The following RNF111 variants were observed in gnomAD, a reference collection of about 807,000 sequenced individuals.
RNF111 encodes the protein E3 ubiquitin-protein ligase Arkadia.
Under a neutral mutation model 95.1 loss-of-function variants are expected in RNF111, and 17 were observed. The observed-to-expected ratio is 0.18, with a 90% CI of 0.12 to 0.27. RNF111 has a LOEUF of 0.27. Among genes scored for constraint, RNF111 ranks in the 10% least tolerant of loss-of-function variants. The probability of loss-of-function intolerance (pLI) is 1.00; values close to 1 mark genes in which losing one functional copy is unlikely to be tolerated. For synonymous variants in RNF111, 440 were observed against 414.8 expected, an observed-to-expected ratio of 1.06 and a Z score of -0.74; for missense variants, 1,189 against 1,210.4, an observed-to-expected ratio of 0.98 and a Z score of 0.26.
chr15:59,030,647 T>G (rs2040858260), intron 1 of RNF111, among the ~76,000 whole-genome samples, 157 bp from the exon 2 acceptor site: 1 of 152,110 alleles, frequency 6.6e-6, no homozygotes, highest in Non-Finnish European at 1.5e-5. Flanking sequence ...TTTATAAGAA[T>G]AGTAAAATAA....
At chr15:59,060,375 A>G (rs1342672011) in intron 5 of RNF111, among the ~76,000 whole-genome samples, 1 of 152,068 alleles carries the variant, frequency 6.6e-6, no homozygotes, top group Non-Finnish European at 1.5e-5. Flanking sequence ...GAGGCCAGGG[A>G]CGCAGATCAC....
At chr15:59,081,975 G>A (rs140100939) in intron 8 of RNF111, among the ~76,000 whole-genome samples, 58 of 152,254 alleles carry the variant, frequency 3.8e-4, no homozygotes, top group African/African-American at 1.3e-3. Context: ...GAGTGCAGTG[G>A]TGCAACCATA....
At chr15:59,065,418 A>G (rs1398056356) in intron 5 of RNF111, among the ~76,000 whole-genome samples, 1 of 152,224 alleles carries the variant, frequency 6.6e-6, no homozygotes, top group Non-Finnish European at 1.5e-5. Flanking sequence ...GGCGGAGAGC[A>G]TAATCAGGAC....
chr15:59,043,861 T>G (rs530796030), intron 2 of RNF111, among the ~76,000 whole-genome samples: 1 of 152,306 alleles, frequency 6.6e-6, no homozygotes, highest in East Asian at 1.9e-4. Flanking sequence ...CATGGTGTCA[T>G]TTATGAAAAG....
At chr15:58,995,465 G>GTTT (rs35375652) in intron 1 of RNF111, among the ~76,000 whole-genome samples, 4 of 146,450 alleles carry the variant, frequency 2.7e-5, no homozygotes, top group Non-Finnish European at 3.0e-5. Context: ...ATAACCTCTT[G>GTTT]TTTTTTTTTT....
chr15:59,013,063 G>C (rs943949366), intron 1 of RNF111, among the ~76,000 whole-genome samples: 2 of 152,118 alleles, frequency 1.3e-5, no homozygotes, highest in Admixed American at 1.3e-4. Flanking sequence ...GATTTTTGGA[G>C]ATTGGCAGTA....
chr15:59,011,586 C>A (rs548247955), intron 1 of RNF111, among the ~76,000 whole-genome samples: 1 of 152,076 alleles, frequency 6.6e-6, no homozygotes, highest in Non-Finnish European at 1.5e-5. Flanking sequence ...TTCCTGAGGC[C>A]CCTCTTCTTG....
chr15:59,073,108 G>GAT (rs1409652087), intron 6 of RNF111, among the ~76,000 whole-genome samples: 1 of 152,130 alleles, frequency 6.6e-6, no homozygotes, highest in African/African-American at 2.4e-5. Context: ...GGTAGGTGGA[G>GAT]GCTGCAGTGA....
At chr15:59,069,056 A>G (rs78471398) in intron 6 of RNF111, among the ~76,000 whole-genome samples, 3,827 of 148,230 alleles carry the variant, frequency 0.026, 103 homozygotes, top group African/African-American at 0.06. Flanking sequence ...CCTTGGCGAC[A>G]GAACAAGACT....
intron 1 of RNF111, among the ~76,000 whole-genome samples, chr15:59,023,450 A>G (rs979035905): frequency 6.6e-6 from 1 of 152,038 alleles, no homozygotes; most frequent in Non-Finnish European, 1.5e-5. Context: ...TGTAAGTAGT[A>G]TATTTTTGTT....
intron 7 of RNF111, among the ~76,000 whole-genome samples, chr15:59,079,906 A>T (rs536286905): frequency 6.6e-6 from 1 of 152,264 alleles, no homozygotes; most frequent in East Asian, 1.9e-4. Flanking sequence ...AAAAATGTTT[A>T]CACCCTATTA....
Position 59,084,201 on chromosome 15 carries a change from T to C in RNF111, c.2370T>C (p.His790=). The change falls in exon 9 of 14, where the codon CAT becomes CAC. Residue 790 remains histidine, a synonymous_variant. Transcript: ENST00000348370. ...ACTATGGTCATGGGCATCATATTCA[T>C]GTGCCTCAGACTATGTCCTCACATC... is the stretch of plus-strand genomic sequence containing the variant. The part of the protein sequence containing the change: ...HPNYGHGHHI[H]VPQTMSSHPR... 1 of 1,601,838 alleles carries C rather than the reference T, an allele frequency of 6.2e-7. No homozygotes were observed. Among genetic ancestry groups the C allele is most frequent in the Non-Finnish European group, 8.5e-7 (1 of 1,174,328 alleles).
At chr15:59,067,125 G>GTC (rs146735071) in intron 6 of RNF111, 42 bp downstream of exon 6, 729 of 1,444,258 alleles carry the variant, frequency 5.0e-4, no homozygotes, top group Middle Eastern at 7.3e-4. Flanking sequence ...TGCCCCTCTT[G>GTC]TCTCTCTCTC....
At chr15:59,092,753 T>TGAGGCC in intron 13 of RNF111, 113 bp downstream of exon 13, 2 of 1,075,934 alleles carry the variant, frequency 1.9e-6, no homozygotes, top group Non-Finnish European at 2.6e-6. Flanking sequence ...CAGCACTTTT[T>TGAGGCC]GAGGCCAAGG....
At chr15:59,089,809 A>G in intron 11 of RNF111, 50 bp downstream of exon 11, 2 of 1,245,078 alleles carry the variant, frequency 1.6e-6, no homozygotes, top group Non-Finnish European at 2.4e-6. Context: ...TTTAATGCAG[A>G]TTGAGTATAT....
At chr15:58,992,917 C>G (rs56353210) in intron 1 of RNF111, among the ~76,000 whole-genome samples, 1,648 of 152,056 alleles carry the variant, frequency 0.011, 25 homozygotes, top group African/African-American at 0.038. Context: ...TGTAGTAATC[C>G]TAGCACTTTG....
chr15:58,998,276 G>A (rs1445496544), intron 1 of RNF111, among the ~76,000 whole-genome samples: 1 of 151,560 alleles, frequency 6.6e-6, no homozygotes, highest in African/African-American at 2.4e-5. Flanking sequence ...AAGTTCAGGG[G>A]TATAAATGCA....
At chr15:59,075,370 G>A (rs892499101) in intron 6 of RNF111, among the ~76,000 whole-genome samples, 6 of 152,226 alleles carry the variant, frequency 3.9e-5, no homozygotes, top group African/African-American at 1.4e-4. Context: ...TTTTGAACAA[G>A]TGAAAGCTTT....
chr15:59,084,444 A>G (rs529587381), intron 9 of RNF111, 190 bp downstream of exon 9: 2 of 429,558 alleles, frequency 4.7e-6, no homozygotes, highest in Non-Finnish European at 8.0e-6. Context: ...GCAGGGAACC[A>G]TATCAAGCAG....
Sources: allele counts gnomAD v4.1 joint callset (sites outside exome capture counted in the v4.1 genomes callset), GRCh38; gene constraint gnomAD v4.1.1; transcripts MANE v1.5; gene names NCBI Gene and HGNC (gene_info 2026-07-23, HGNC 2026-07-21).